The following CNTN4 variants were observed in gnomAD, a reference collection of about 807,000 sequenced individuals.
CNTN4 encodes the protein contactin 4, also known as contactin-4.
A neutral mutation model predicts 122.5 loss-of-function variants in CNTN4; 77 were observed. The ratio of observed to expected loss-of-function variants is 0.63; its 90% CI spans 0.52 to 0.76. The LOEUF (loss-of-function observed/expected upper bound fraction) is 0.76, where lower values mean the gene tolerates loss of function less well. CNTN4 is among the 30% of genes least tolerant of loss of function. The probability of loss-of-function intolerance (pLI) is 0.00; values close to 1 mark genes in which losing one functional copy is unlikely to be tolerated. For missense variants in CNTN4, 1,256 were observed against 1,259.1 expected, an observed-to-expected ratio of 1.00 and a Z score of 0.04; for synonymous variants, 512 against 447.0, an observed-to-expected ratio of 1.15 and a Z score of -1.83.
rs375943315 is a variant in CNTN4, at chr3:2,755,245, TG to T, written c.358+9549del. 1.6e-3 allele frequency among the ~76,000 whole-genome samples: 251 copies of T among 152,324 alleles called. 2 individuals are homozygous for T. Among genetic ancestry groups the T allele is most frequent in the African/African-American group, 5.9e-3 (245 of 41,586 alleles). On this transcript the variant is annotated intron_variant, in intron 6 of 24. Transcript: ENST00000418658. Reference sequence around the variant, plus strand: ...TACACGGCTAAACTCATAACTGGCCTGACTACTTTTTAATTTGGAAAGCTGC... The same window carrying T: ...TACACGGCTAAACTCATAACTGGCCTACTACTTTTTAATTTGGAAAGCTGC...
chr3:2,864,275 G>T (rs193173084), intron 7 of CNTN4, among the ~76,000 whole-genome samples: 78 of 152,176 alleles, frequency 5.1e-4, no homozygotes, highest in South Asian at 2.7e-3. Context: ...TTGAACTTTA[G>T]TCTTACTTTG....
intron 4 of CNTN4, among the ~76,000 whole-genome samples, chr3:2,683,655 A>G (rs1210336744): frequency 2.6e-5 from 4 of 151,854 alleles, no homozygotes; most frequent in Admixed American, 2.6e-4. Flanking sequence ...GAAAAAAAAA[A>G]TTGTGGAACA....
intron 23 of CNTN4, among the ~76,000 whole-genome samples, chr3:3,046,193 G>A (rs928518871): frequency 1.4e-4 from 22 of 152,312 alleles, no homozygotes; most frequent in African/African-American, 5.3e-4. Flanking sequence ...AACCAAGTTG[G>A]AAAACACTCT....
chr3:2,858,177 G>A (rs1577071660), intron 7 of CNTN4, among the ~76,000 whole-genome samples: 2 of 152,154 alleles, frequency 1.3e-5, no homozygotes, highest in East Asian at 3.9e-4. Context: ...TTAAAACAGT[G>A]TTTCTCAGAG....
chr3:2,460,710 A>G (rs1393386602), intron 3 of CNTN4, among the ~76,000 whole-genome samples: 1 of 152,162 alleles, frequency 6.6e-6, no homozygotes, highest in Non-Finnish European at 1.5e-5. Flanking sequence ...TTTTATCCAA[A>G]AGGTCTCAAC....
At chr3:2,331,546 A>G (rs1209801358) in intron 2 of CNTN4, among the ~76,000 whole-genome samples, 2 of 152,272 alleles carry the variant, frequency 1.3e-5, no homozygotes, top group Middle Eastern at 3.4e-3. Flanking sequence ...ATTTAGAGCA[A>G]TAGAATTTTT....
At chr3:2,772,443 G>T (rs2091145665) in intron 6 of CNTN4, among the ~76,000 whole-genome samples, 1 of 151,324 alleles carries the variant, frequency 6.6e-6, no homozygotes, top group African/African-American at 2.4e-5. Flanking sequence ...AGAAAAAAAA[G>T]ATCATAGAAT....
rs374773037 is a variant in CNTN4, at chr3:2,925,720, G to T, written c.1299G>T (p.Ala433=). The T allele has an allele frequency of 1.9e-6, 3 of 1,613,776 alleles. No homozygotes were observed. The South Asian group carries it at 3.3e-5, about 18-fold the overall frequency. ...TTGTCATTGAGTGTAAGCCAAAAGC[G>T]TCTCCAAAACCTGTTTACACCTGGA... is the stretch of plus-strand genomic sequence containing the variant. ...GEVVIECKPK[A]SPKPVYTWKK... is the part of the protein sequence containing the mutation. The change falls in exon 13 of 25, where the codon GCG becomes GCT. Residue 433 remains alanine (A), a synonymous_variant. Coordinates refer to ENST00000418658, the MANE Select transcript of CNTN4 (RefSeq NM_175607.3).
intron 6 of CNTN4, among the ~76,000 whole-genome samples, chr3:2,781,948 C>T (rs986391021): frequency 5.4e-5 from 8 of 148,934 alleles, no homozygotes; most frequent in South Asian, 2.2e-4. Context: ...TGGTCTCGAT[C>T]TCCTGACCTC....
intron 2 of CNTN4, among the ~76,000 whole-genome samples, chr3:2,149,975 T>C (rs1462302303): frequency 2.0e-5 from 3 of 151,370 alleles, no homozygotes; most frequent in Non-Finnish European, 4.4e-5. Context: ...AGCTTTTTTT[T>C]TTTTTTCTGT....
At position 2,391,806 on chromosome 3, in the gene CNTN4, G is replaced by A. The variant is rs569084824; in HGVS notation, c.-89+52573G>A. ...CTGCCCTTGATCACAAAAACTTACC[G>A]TAGCTAGCTTTTTGATTTTGACCCA... On this transcript the variant is annotated intron_variant, in intron 3 of 24. Coordinates refer to ENST00000418658, the MANE Select transcript of CNTN4 (RefSeq NM_175607.3). 8.5e-5 allele frequency among the ~76,000 whole-genome samples: 13 copies of A among 152,176 alleles called. 1 individual carries two copies. The highest frequency in any genetic ancestry group is 5.8e-4 in the East Asian group (3 of 5,180).
chr3:2,642,164 G>A (rs1190294495), intron 4 of CNTN4, among the ~76,000 whole-genome samples: 1 of 152,226 alleles, frequency 6.6e-6, no homozygotes, highest in East Asian at 1.9e-4. Flanking sequence ...CGACAGTGCA[G>A]CCTTCAGTCT....
intron 2 of CNTN4, among the ~76,000 whole-genome samples, chr3:2,309,789 C>G (rs2042848417): frequency 6.6e-6 from 1 of 152,098 alleles, no homozygotes. Context: ...CAAGTTATGT[C>G]TAATGAGCAC....
intron 3 of CNTN4, among the ~76,000 whole-genome samples, chr3:2,430,325 G>A (rs1024470796): frequency 6.6e-6 from 1 of 151,678 alleles, no homozygotes; most frequent in Non-Finnish European, 1.5e-5. Context: ...GGGAGGCTGA[G>A]GCAGGAGAAT....
Position 2,470,655 on chromosome 3 carries a change from C to G in CNTN4, c.-88-100761C>G, listed in dbSNP as rs143074381. On this transcript the variant is annotated intron_variant, in intron 3 of 24. Coordinates refer to ENST00000418658, the MANE Select transcript of CNTN4 (RefSeq NM_175607.3). The stretch of plus-strand genomic sequence containing the variant: ...ACACCCCCACAATGTATTTCTCTCT[C>G]ATATTCTTTTGAAAGACTCTAATAG... Among the ~76,000 whole-genome samples, 5 of 152,278 alleles carry G rather than the reference C, an allele frequency of 3.3e-5. No individual in the cohort carries two copies. In the East Asian group the frequency reaches 9.7e-4, roughly 29 times the overall value.
chr3:2,988,734 G>A (rs555482937), intron 14 of CNTN4: 14 of 436,352 alleles, frequency 3.2e-5, no homozygotes, highest in East Asian at 4.3e-5. Context: ...GTATTGTAAC[G>A]AATGTTATCT....
intron 13 of CNTN4, among the ~76,000 whole-genome samples, chr3:2,983,261 A>AAGCCTAAT (rs1370325165): frequency 2.1e-5 from 3 of 144,326 alleles, no homozygotes; most frequent in Non-Finnish European, 4.5e-5. Flanking sequence ...AAAAAGCACA[A>AAGCCTAAT]AGCCTAATAT....
intron 3 of CNTN4, among the ~76,000 whole-genome samples, chr3:2,461,358 CATTA>C (rs1194980941): frequency 6.6e-6 from 1 of 151,638 alleles, no homozygotes; most frequent in Non-Finnish European, 1.5e-5. Flanking sequence ...AATTAGTTAA[CATTA>C]ATTAATGAGA....
intron 3 of CNTN4, among the ~76,000 whole-genome samples, chr3:2,537,184 C>T (rs1056148274): frequency 1.3e-5 from 2 of 152,058 alleles, no homozygotes; most frequent in East Asian, 1.9e-4. Flanking sequence ...TGTTTTCATA[C>T]ACTATATTTG....
Sources: gnomAD v4.1 joint callset for allele counts (sites outside exome capture counted in the v4.1 genomes callset) on GRCh38, gnomAD v4.1.1 for gene constraint, MANE v1.5 for transcripts, NCBI Gene and HGNC (gene_info 2026-07-23, HGNC 2026-07-21) for gene names.